The following ERC2 variants were observed in gnomAD, a reference collection of about 807,000 sequenced individuals.
ERC2 encodes the protein ELKS/RAB6-interacting/CAST family member 2.
In ERC2, 42 loss-of-function variants were observed where a neutral mutation model predicts 114.8. The observed-to-expected ratio is 0.37, with a 90% CI of 0.29 to 0.47. The LOEUF is 0.47. Among genes scored for constraint, ERC2 ranks in the 20% least tolerant of loss-of-function variants. The probability of loss-of-function intolerance (pLI) is 0.99; values close to 1 mark genes in which losing one functional copy is unlikely to be tolerated. For missense variants in ERC2, 939 were observed against 1,150.7 expected (o/e 0.82, Z 2.66); for synonymous variants, 454 against 425.5 (o/e 1.07, Z -0.82).
rs1268765785 is a variant in ERC2 at position 55,583,517 on chromosome 3, C to CT, written c.*40-72242dup. Among the ~76,000 whole-genome samples the CT allele has an allele frequency of 4.7e-4, 26 of 55,784 alleles. 2 individuals carry two copies. Among genetic ancestry groups the CT allele is most frequent in the South Asian group, 1.2e-3 (1 of 864 alleles). 36.6% of individuals were successfully genotyped at this position (55,784 alleles called of 152,430 possible). A position where few individuals can be genotyped will look rare whatever the true frequency, so the allele number is the denominator to read the frequency against. ...TCTCCTTCCCTCCCTCCCTCCCTCCCTCCCTCCCTTCCTTCCTTCCTTCCT... is the reference window on the plus strand; with the variant it reads ...TCTCCTTCCCTCCCTCCCTCCCTCCCTTCCCTCCCTTCCTTCCTTCCTTCCT... On this transcript the variant is annotated intron_variant, in intron 17 of 17. Transcript: ENST00000288221.
intron 12 of ERC2, among the ~76,000 whole-genome samples, chr3:55,979,929 C>T (rs1019649478): frequency 1.8e-4 from 27 of 150,848 alleles, no homozygotes; most frequent in African/African-American, 5.8e-4. Flanking sequence ...GGAAACAGAG[C>T]GAGACCCTAT....
At chr3:56,007,064 T>C (rs1219079009) in intron 10 of ERC2, 117 bp downstream of exon 10, 1 of 870,640 alleles carries the variant, frequency 1.1e-6, no homozygotes, top group Non-Finnish European at 1.7e-6. Context: ...ATTAATTCTT[T>C]TATCAGCAGA....
intron 3 of ERC2, among the ~76,000 whole-genome samples, chr3:56,202,191 C>T (rs1282151248): frequency 6.6e-6 from 1 of 152,150 alleles, no homozygotes; most frequent in East Asian, 1.9e-4. Context: ...GTAAAAACCT[C>T]ATTTGGGTTT....
At chr3:55,640,837 T>C (rs1385529581) in intron 17 of ERC2, among the ~76,000 whole-genome samples, 1 of 152,236 alleles carries the variant, frequency 6.6e-6, no homozygotes, top group Non-Finnish European at 1.5e-5. Flanking sequence ...CAGTACAATT[T>C]ATTTTTGTAA....
chr3:55,568,518 C>T (rs2056513310), intron 17 of ERC2, among the ~76,000 whole-genome samples: 1 of 152,212 alleles, frequency 6.6e-6, no homozygotes, highest in African/African-American at 2.4e-5. Flanking sequence ...TCTTTGGCTC[C>T]TCTTTCCTTC....
chr3:55,960,358 A>C (rs2068274182), intron 12 of ERC2, among the ~76,000 whole-genome samples: 1 of 152,112 alleles, frequency 6.6e-6, no homozygotes, highest in Admixed American at 6.5e-5. Flanking sequence ...TTCCCACTGG[A>C]AGGTATAGGC....
At chr3:56,127,025 C>G (rs984435601) in intron 6 of ERC2, among the ~76,000 whole-genome samples, 1 of 151,918 alleles carries the variant, frequency 6.6e-6, no homozygotes, top group African/African-American at 2.4e-5. Flanking sequence ...TTTATATAGG[C>G]TAATGGAGAA....
At chr3:56,061,825 C>T (rs946202245) in intron 7 of ERC2, among the ~76,000 whole-genome samples, 1 of 152,138 alleles carries the variant, frequency 6.6e-6, no homozygotes, top group Non-Finnish European at 1.5e-5. Flanking sequence ...GGGTGCTTAA[C>T]TAAGTTCTGT....
chr3:55,975,080 C>T (rs779882335), intron 12 of ERC2, among the ~76,000 whole-genome samples: 2 of 152,232 alleles, frequency 1.3e-5, no homozygotes, highest in East Asian at 3.9e-4. Context: ...CCTGGCTCCA[C>T]TACTTAATAG....
chr3:56,360,443 A>T (rs11716166), intron 2 of ERC2, among the ~76,000 whole-genome samples: 62,571 of 151,920 alleles, frequency 0.41, 14,181 homozygotes, highest in East Asian at 0.63. Context: ...ATATTGTCTA[A>T]TGGGAAGGAA....
intron 7 of ERC2, among the ~76,000 whole-genome samples, chr3:56,024,863 G>A (rs1201403217): frequency 6.6e-6 from 1 of 152,126 alleles, no homozygotes; most frequent in African/African-American, 2.4e-5. Context: ...TCCAAATATG[G>A]TCCCGGCAAC....
chr3:55,660,868 A>C (rs1459662195), intron 17 of ERC2, among the ~76,000 whole-genome samples: 1 of 152,224 alleles, frequency 6.6e-6, no homozygotes, highest in Non-Finnish European at 1.5e-5. Context: ...TAACAATAAA[A>C]GCATAAATCC....
chr3:56,013,570 G>A lies in ERC2; in HGVS notation c.1780-2981C>T, dbSNP rs535119106. Among the ~76,000 whole-genome samples the A allele has an allele frequency of 4.6e-5, 7 of 152,276 alleles. No individual in the cohort carries two copies. The South Asian group carries it at 1.0e-3, about 23-fold the overall frequency. ...CAGGGTGGAAACAGCTTCCAGGAGC[G>A]GTGGGTTGAGAAGTTAGCATGTGCC... is the stretch of plus-strand genomic sequence containing the variant. On this transcript the variant is annotated intron_variant, in intron 8 of 17. Coordinates refer to ENST00000288221, the MANE Select transcript of ERC2 (RefSeq NM_015576.3).
intron 3 of ERC2, chr3:56,173,986 C>T (rs2082828798): frequency 6.5e-6 from 1 of 154,336 alleles, no homozygotes; most frequent in Non-Finnish European, 1.4e-5. Flanking sequence ...CATTTCAGTA[C>T]AACTGTGTCA....
chr3:56,127,919 T>C (rs1445267002), intron 6 of ERC2, among the ~76,000 whole-genome samples: 4 of 152,034 alleles, frequency 2.6e-5, no homozygotes, highest in Non-Finnish European at 2.9e-5. Context: ...TATCTACATA[T>C]AGAAGAAATA....
intron 14 of ERC2, among the ~76,000 whole-genome samples, chr3:55,800,201 C>T (rs913797082): frequency 1.3e-5 from 2 of 151,998 alleles, no homozygotes; most frequent in African/African-American, 2.4e-5. Flanking sequence ...AGTGCAATGG[C>T]GTGATGTCGG....
chr3:56,267,288 A>C (rs575747282), intron 3 of ERC2, among the ~76,000 whole-genome samples: 1 of 152,222 alleles, frequency 6.6e-6, no homozygotes, highest in African/African-American at 2.4e-5. Context: ...TTTGCTTTTA[A>C]TAAGGAGATC....
At chr3:56,390,951 C>T (rs577417807) in intron 2 of ERC2, among the ~76,000 whole-genome samples, 2 of 152,314 alleles carry the variant, frequency 1.3e-5, no homozygotes, top group South Asian at 4.1e-4. Flanking sequence ...AATGCACTAA[C>T]TGAAGCACCT....
In ERC2 at chr3:56,305,512, CCACACACACACACACACA is replaced by C. The variant is rs58751787; in HGVS notation, c.658-9095_658-9078del. Among the ~76,000 whole-genome samples, 139 of 144,438 alleles carry C rather than the reference CCACACACACACACACACA, an allele frequency of 9.6e-4. 2 individuals carry two copies. The highest frequency in any genetic ancestry group is 4.5e-3 in the East Asian group (22 of 4,874). The allele number at this position is 144,438 out of a possible 152,430, so 94.8% of individuals were successfully genotyped here. On this transcript the variant is annotated intron_variant, in intron 2 of 17. Transcript: ENST00000288221. ...AGCATTTTATACCCCACTCTCTTAT[CCACACACACACACACACA>C]CACACACACACACACACACACACAC... is the stretch of plus-strand genomic sequence containing the variant.
Sources: gnomAD v4.1 joint callset for allele counts (sites outside exome capture counted in the v4.1 genomes callset) on GRCh38, gnomAD v4.1.1 for gene constraint, MANE v1.5 for transcripts, NCBI Gene and HGNC (gene_info 2026-07-23, HGNC 2026-07-21) for gene names.